NRCAM: variants seen among roughly 807,000 people sequenced by gnomAD.
NRCAM encodes the protein NgCAM-related cell adhesion molecule.
A neutral mutation model predicts 156.5 loss-of-function variants in NRCAM; 83 were observed. The observed-to-expected ratio is 0.53, with a 90% CI of 0.44 to 0.64. NRCAM has a LOEUF of 0.64. Among genes scored for constraint, NRCAM ranks in the 30% least tolerant of loss-of-function variants. The pLI is 0.00. For missense variants in NRCAM, 1,417 were observed against 1,597.3 expected, an observed-to-expected ratio of 0.89 and a Z score of 1.92; for synonymous variants, 538 against 563.9, an observed-to-expected ratio of 0.95 and a Z score of 0.65.
chr7:108,244,691 G>A (rs2095790282), intron 3 of NRCAM, among the ~76,000 whole-genome samples: 1 of 152,186 alleles, frequency 6.6e-6, no homozygotes, highest in Non-Finnish European at 1.5e-5. Flanking sequence ...GACAAACTGT[G>A]AGAAGCTTTA....
chr7:108,401,141 G>A (rs954588640), intron 1 of NRCAM, among the ~76,000 whole-genome samples: 1 of 152,194 alleles, frequency 6.6e-6, no homozygotes, highest in Non-Finnish European at 1.5e-5. Flanking sequence ...TCGGGAGGCT[G>A]AGGCATGAGA....
chr7:108,339,395 A>AT (rs1161618708), intron 2 of NRCAM, among the ~76,000 whole-genome samples: 4 of 152,312 alleles, frequency 2.6e-5, no homozygotes, highest in African/African-American at 9.6e-5. Context: ...AATCAAAAAG[A>AT]TTATCTCAAT....
At chr7:108,395,485 T>C (rs2154383421) in intron 2 of NRCAM, among the ~76,000 whole-genome samples, 2 of 152,344 alleles carry the variant, frequency 1.3e-5, no homozygotes, top group South Asian at 4.1e-4. Context: ...TCTTTCTTTT[T>C]AAAACCCCAC....
At chr7:108,363,334 T>G (rs144614577) in intron 2 of NRCAM, among the ~76,000 whole-genome samples, 1 of 152,028 alleles carries the variant, frequency 6.6e-6, no homozygotes, top group East Asian at 1.9e-4. Flanking sequence ...AGTGCAGTGG[T>G]GCGCTCATAG....
rs564387822 is a variant in NRCAM, at chr7:108,148,657, G to T, written c.*1253C>A. The T allele has an allele frequency of 5.2e-5, 8 of 152,734 alleles. No individual in the cohort carries two copies. The South Asian group carries it at 1.7e-3, about 32-fold the overall frequency. 9.5% of individuals were successfully genotyped at this position (152,734 alleles called of 1,614,324 possible). On this transcript the variant is annotated 3_prime_UTR_variant, in exon 33 of 33. Transcript: ENST00000379028. ...TGTATCCATAACAATTTGCATACAC[G>T]TTGTTTAATGCTGCAGAGTTTTGAA...
At position 108,234,678 on chromosome 7, in the gene NRCAM, A is replaced by G; in HGVS notation, c.135T>C (p.Pro45=). 1 of 1,597,116 alleles carries G rather than the reference A, an allele frequency of 6.3e-7. No individual in the cohort carries two copies. The highest frequency in any genetic ancestry group is 8.6e-7 in the Non-Finnish European group (1 of 1,165,338). The stretch of plus-strand genomic sequence containing the variant: ...TTGGAGACTGTTGGGTGATGGTTGG[A>G]GGCTGTACCACTTAATTGTAGAAAA... ...DPKLLEDLVQ[P]PTITQQSPKD... The change falls in exon 6 of 33, where the codon CCT becomes CCC. Residue 45 remains proline, a synonymous_variant. Coordinates refer to ENST00000379028, the MANE Select transcript of NRCAM (RefSeq NM_001037132.4).
chr7:108,183,903 CTTTA>C (rs1350065636), intron 22 of NRCAM, among the ~76,000 whole-genome samples: 2 of 152,014 alleles, frequency 1.3e-5, no homozygotes, highest in Non-Finnish European at 2.9e-5. Flanking sequence ...GTTCTAGGTG[CTTTA>C]TATGTATTAG....
intron 1 of NRCAM, among the ~76,000 whole-genome samples, chr7:108,448,963 AGAT>A (rs1200904976): frequency 6.6e-6 from 1 of 152,202 alleles, no homozygotes; most frequent in African/African-American, 2.4e-5. Context: ...TTATTCAACT[AGAT>A]AATAGAGGGG....
At chr7:108,243,127 G>C (rs920305118) in intron 3 of NRCAM, 1 of 152,178 alleles carries the variant, frequency 6.6e-6, no homozygotes, top group Non-Finnish European at 1.5e-5. Context: ...GTTCTCCTCA[G>C]AAGTTTTAAG....
At chr7:108,403,774 C>T (rs960877009) in intron 1 of NRCAM, among the ~76,000 whole-genome samples, 5 of 152,168 alleles carry the variant, frequency 3.3e-5, no homozygotes, top group Non-Finnish European at 7.4e-5. Flanking sequence ...AAACATATTG[C>T]AAAAACAGAG....
chr7:108,241,644 C>T (rs2095535031), intron 3 of NRCAM, among the ~76,000 whole-genome samples: 1 of 151,866 alleles, frequency 6.6e-6, no homozygotes, highest in African/African-American at 2.4e-5. Flanking sequence ...ATCACAGTGC[C>T]TGGCACATGG....
intron 1 of NRCAM, among the ~76,000 whole-genome samples, chr7:108,408,933 G>A (rs1215924957): frequency 6.6e-6 from 1 of 152,128 alleles, no homozygotes; most frequent in Non-Finnish European, 1.5e-5. Context: ...ATTCCTTGTC[G>A]CCTCCTACCT....
At chr7:108,271,999 G>A (rs2097371180) in intron 3 of NRCAM, among the ~76,000 whole-genome samples, 2 of 152,138 alleles carry the variant, frequency 1.3e-5, no homozygotes, top group Non-Finnish European at 2.9e-5. Context: ...TAAGACTTAT[G>A]AGCAAAAAGG....
At chr7:108,416,446 T>C (rs1801662694) in intron 1 of NRCAM, among the ~76,000 whole-genome samples, 2 of 152,208 alleles carry the variant, frequency 1.3e-5, no homozygotes, top group South Asian at 2.1e-4. Flanking sequence ...GTCAGAACTA[T>C]GCTTTGTCAT....
intron 2 of NRCAM, among the ~76,000 whole-genome samples, chr7:108,318,047 T>TTTTC (rs2098951645): frequency 8.0e-6 from 1 of 124,282 alleles, no homozygotes; most frequent in African/African-American, 3.0e-5. Flanking sequence ...TCCTTTTTTT[T>TTTTC]TTTTTTTTTT....
intron 1 of NRCAM, among the ~76,000 whole-genome samples, chr7:108,429,493 G>A (rs566342287): frequency 4.6e-5 from 7 of 152,258 alleles, no homozygotes; most frequent in African/African-American, 7.2e-5. Flanking sequence ...CGCCCAGCCC[G>A]GATGTTTCTT....
chr7:108,149,082 T>C lies in NRCAM; in HGVS notation c.*828A>G, dbSNP rs1374922570. 1.3e-5 allele frequency: 2 copies of C among 152,656 alleles called. No individual in the cohort carries two copies. Among genetic ancestry groups the C allele is most frequent in the African/African-American group, 4.8e-5 (2 of 41,454 alleles). The allele number at this position is 152,656 out of a possible 1,614,324, so 9.5% of individuals were successfully genotyped here. On this transcript the variant is annotated 3_prime_UTR_variant, in exon 33 of 33. Coordinates refer to ENST00000379028, the MANE Select transcript of NRCAM (RefSeq NM_001037132.4). ...ATGCTTAATATCTGAAGGCACTGTA[T>C]GTGTCTTGCCCTGTGTTCTCTGAAA... is the stretch of plus-strand genomic sequence containing the variant.
chr7:108,385,926 G>T (rs1444928808), intron 2 of NRCAM, among the ~76,000 whole-genome samples: 2 of 140,020 alleles, frequency 1.4e-5, no homozygotes, highest in African/African-American at 2.5e-5. Flanking sequence ...AGGGAGGGAG[G>T]GAGAGAGGGA....
chr7:108,407,654 C>T (rs1426485438), intron 1 of NRCAM, among the ~76,000 whole-genome samples: 1 of 152,148 alleles, frequency 6.6e-6, no homozygotes, highest in Non-Finnish European at 1.5e-5. Context: ...GGAAGAACAG[C>T]TAGAAGTTAT....
Sources: allele counts gnomAD v4.1 joint callset (sites outside exome capture counted in the v4.1 genomes callset), GRCh38; gene constraint gnomAD v4.1.1; transcripts MANE v1.5; gene names NCBI Gene and HGNC (gene_info 2026-07-23, HGNC 2026-07-21).